The following EED variants were observed in gnomAD, a reference collection of about 807,000 sequenced individuals.
EED encodes polycomb protein EED.
A neutral mutation model predicts 61.0 loss-of-function variants in EED; 9 were observed. That is an observed-to-expected ratio of 0.15 (90% confidence interval 0.09 to 0.26). EED has a LOEUF of 0.26. Ranked by LOEUF, EED falls within the 10% of genes least tolerant of loss-of-function variation. EED has a pLI of 1.00. For synonymous variants in EED, 187 were observed against 174.4 expected (o/e 1.07, Z -0.57); for missense variants, 315 against 542.3 (o/e 0.58, Z 4.16).
intron 9 of EED, among the ~76,000 whole-genome samples, chr11:86,269,774 G>C (rs1055175673): frequency 1.3e-5 from 2 of 152,142 alleles, no homozygotes; most frequent in African/African-American, 4.8e-5. Context: ...GACCTTTTAA[G>C]ATTGTTTTTT....
In EED at chr11:86,245,124, C is replaced by G; in HGVS notation, c.-106C>G. On this transcript the variant is annotated 5_prime_UTR_variant, in exon 1 of 12. Transcript: ENST00000263360. ...ACAGTGGGGGGGGCGGTGGAGGTGGCGGCGGCAGCGGCAACTTTGCGGCAA... is the reference window on the plus strand; with the variant it reads ...ACAGTGGGGGGGGCGGTGGAGGTGGGGGCGGCAGCGGCAACTTTGCGGCAA... 1.3e-6 allele frequency: 1 copy of G among 798,674 alleles called. No homozygotes were observed. The highest frequency in any genetic ancestry group is 1.9e-6 in the Non-Finnish European group (1 of 512,820). The allele number at this position is 798,674 out of a possible 1,614,324, so 49.5% of individuals were successfully genotyped here.
intron 9 of EED, among the ~76,000 whole-genome samples, chr11:86,272,601 T>C (rs983112311): frequency 6.6e-6 from 1 of 152,266 alleles, no homozygotes; most frequent in African/African-American, 2.4e-5. Flanking sequence ...TGTTGAAATC[T>C]TCAGTTACAA....
In EED at chr11:86,245,161, G is replaced by A. The variant is rs1199547519; in HGVS notation, c.-69G>A. On this transcript the variant is annotated 5_prime_UTR_variant, in exon 1 of 12. Transcript: ENST00000263360. ...CAACTTTGCGGCAAGCTCGGGCCGG[G>A]CTTGCTTGACGGCGGTGTGGCGGAG... The A allele has an allele frequency of 1.1e-5, 15 of 1,355,338 alleles. No individual in the cohort carries two copies. The highest frequency in any genetic ancestry group is 1.6e-5 in the Non-Finnish European group (15 of 965,388). The allele number at this position is 1,355,338 out of a possible 1,614,324, so 84.0% of individuals were successfully genotyped here. A position where few individuals can be genotyped will look rare whatever the true frequency, so the allele number is the denominator to read the frequency against.
At chr11:86,250,175 A>G (rs937523300) in intron 1 of EED, 121 bp from the exon 2 acceptor site, 2 of 931,248 alleles carry the variant, frequency 2.1e-6, no homozygotes, top group Non-Finnish European at 1.5e-6. Context: ...GCAAGAATAC[A>G]TTTTTTTCTT....
intron 6 of EED, among the ~76,000 whole-genome samples, chr11:86,260,912 G>T (rs1316895082): frequency 6.6e-6 from 1 of 151,048 alleles, no homozygotes; most frequent in African/African-American, 2.4e-5. Context: ...AATTGAACTT[G>T]AAGCCTTTTT....
Position 86,278,646 on chromosome 11 carries a change from G to C in EED, c.*121G>C. ...TTGTCTTTCAGCATTCAATCAGGCT[G>C]AGCTGAATGTAGTGATGTTTACATT... On this transcript the variant is annotated 3_prime_UTR_variant, in exon 12 of 12. Transcript: ENST00000263360. 1 of 1,311,060 alleles carries C rather than the reference G, an allele frequency of 7.6e-7. No homozygotes were observed. Among genetic ancestry groups the C allele is most frequent in the Non-Finnish European group, 1.0e-6 (1 of 965,346 alleles). 81.2% of individuals were successfully genotyped at this position (1,311,060 alleles called of 1,614,324 possible). A position where few individuals can be genotyped will look rare whatever the true frequency, so the allele number is the denominator to read the frequency against.
At chr11:86,263,746 A>G (rs374506615) in intron 6 of EED, among the ~76,000 whole-genome samples, 6 of 152,202 alleles carry the variant, frequency 3.9e-5, no homozygotes, top group East Asian at 3.8e-4. Context: ...GTCCAAGAAC[A>G]TGGTGCCGGC....
intron 9 of EED, among the ~76,000 whole-genome samples, chr11:86,274,697 C>G (rs7105455): frequency 0.041 from 6,177 of 152,254 alleles, 242 homozygotes; most frequent in Non-Finnish European, 0.052. Context: ...ACTGCCCCCC[C>G]TAGTGGTCTC....
chr11:86,278,282 T>C, intron 11 of EED, 117 bp from the exon 12 acceptor site: 1 of 1,451,118 alleles, frequency 6.9e-7, no homozygotes, highest in Non-Finnish European at 9.1e-7. Context: ...TATATTCTGG[T>C]TTTAAGTGCT....
At chr11:86,272,120 C>T (rs1268116280) in intron 9 of EED, among the ~76,000 whole-genome samples, 6 of 116,136 alleles carry the variant, frequency 5.2e-5, no homozygotes, top group African/African-American at 1.0e-4. Context: ...TGCAATGGCG[C>T]GATCTTGGCT....
the EED span, among the ~76,000 whole-genome samples, chr11:86,285,780 T>C: frequency 6.6e-6 from 1 of 151,454 alleles, no homozygotes; most frequent in Non-Finnish European, 1.5e-5. Context: ...GTATTTTTAG[T>C]AGAGACAGGG....
At chr11:86,260,556 T>C (rs1279341019) in intron 6 of EED, among the ~76,000 whole-genome samples, 1 of 152,228 alleles carries the variant, frequency 6.6e-6, no homozygotes, top group Non-Finnish European at 1.5e-5. Context: ...ATAACATTGC[T>C]CAAATTATAG....
rs751488435 is a variant in EED at position 86,245,299 on chromosome 11, A to G, written c.70A>G (p.Ser24Gly). 5.6e-6 allele frequency: 9 copies of G among 1,613,366 alleles called. No homozygotes were observed. Among genetic ancestry groups the G allele is most frequent in the Admixed American group, 3.3e-5 (2 of 59,990 alleles). The change falls in exon 1 of 12, where the codon AGC becomes GGC. Residue 24 changes from serine (S) to glycine (G), a missense_variant. Transcript: ENST00000263360. ...GCCTGCGGCCAAGAAGCAGAAGCTG[A>G]GCAGTGACGAGAACAGCAATCCAGA... ...DMPAAKKQKL[S>G]SDENSNPDLS...
intron 10 of EED, 108 bp from the exon 11 acceptor site, chr11:86,277,810 C>A: frequency 9.3e-7 from 1 of 1,075,610 alleles, no homozygotes; most frequent in Non-Finnish European, 1.3e-6. Context: ...AGCACAGAGG[C>A]TGGAACTGAG....
At chr11:86,249,477 T>C (rs897372781) in intron 1 of EED, among the ~76,000 whole-genome samples, 1 of 151,982 alleles carries the variant, frequency 6.6e-6, no homozygotes, top group African/African-American at 2.4e-5. Flanking sequence ...AAAGGAGACA[T>C]TGGAATCTGT....
intron 9 of EED, among the ~76,000 whole-genome samples, chr11:86,275,723 G>T (rs1338528382): frequency 6.6e-5 from 10 of 152,188 alleles, no homozygotes; most frequent in African/African-American, 2.2e-4. Flanking sequence ...CTCTGAATCA[G>T]TAGGGGCTGA....
At chr11:86,267,144 A>G (rs79931733) in intron 8 of EED, among the ~76,000 whole-genome samples, 406 of 152,334 alleles carry the variant, frequency 2.7e-3, no homozygotes, top group African/African-American at 9.4e-3. Context: ...TCAAAAAATA[A>G]CAGTTGTACT....
intron 8 of EED, among the ~76,000 whole-genome samples, chr11:86,266,830 T>C (rs1377316562): frequency 1.3e-5 from 2 of 152,192 alleles, no homozygotes; most frequent in Non-Finnish European, 2.9e-5. Flanking sequence ...CAGGCTGTCA[T>C]TAACACTTTC....
chr11:86,280,907 T>C (rs1205119405), downstream of EED, among the ~76,000 whole-genome samples: 1 of 152,248 alleles, frequency 6.6e-6, no homozygotes, highest in Non-Finnish European at 1.5e-5. Flanking sequence ...ATGCTTTTTC[T>C]GCCTCTATTG....
Sources: allele counts gnomAD v4.1 joint callset (sites outside exome capture counted in the v4.1 genomes callset), GRCh38; gene constraint gnomAD v4.1.1; transcripts MANE v1.5; gene names NCBI Gene and HGNC (gene_info 2026-07-23, HGNC 2026-07-21).